The following PRKG2 variants were observed in gnomAD, a reference collection of about 807,000 sequenced individuals.
PRKG2 encodes cGMP-dependent protein kinase 2.
In PRKG2, 33 loss-of-function variants were observed where a neutral mutation model predicts 97.2. The ratio of observed to expected loss-of-function variants is 0.34; its 90% CI spans 0.26 to 0.45. PRKG2 has a LOEUF of 0.45. PRKG2 is among the 20% of genes least tolerant of loss of function. The pLI is 1.00. For synonymous variants in PRKG2, 330 were observed against 321.8 expected (o/e 1.03, Z -0.27); for missense variants, 638 against 900.0 (o/e 0.71, Z 3.73).
chr4:81,201,014 C>T (rs1220885913), intron 2 of PRKG2, among the ~76,000 whole-genome samples: 1 of 152,118 alleles, frequency 6.6e-6, no homozygotes, highest in Non-Finnish European at 1.5e-5. Flanking sequence ...ACCTCAATCT[C>T]ACAGGCATAG....
intron 2 of PRKG2, among the ~76,000 whole-genome samples, chr4:81,179,695 C>T (rs973806626): frequency 5.9e-5 from 9 of 152,012 alleles, no homozygotes; most frequent in African/African-American, 2.2e-4. Context: ...GCCAAAACTG[C>T]AGGGGAGGGA....
At chr4:81,126,359 T>C (rs967739779) in intron 14 of PRKG2, among the ~76,000 whole-genome samples, 8 of 152,180 alleles carry the variant, frequency 5.3e-5, no homozygotes, top group Admixed American at 3.9e-4. Context: ...GTCTTTATAG[T>C]AGAACGATTT....
intron 14 of PRKG2, among the ~76,000 whole-genome samples, chr4:81,134,783 T>A (rs1746509635): frequency 6.6e-6 from 1 of 152,150 alleles, no homozygotes; most frequent in South Asian, 2.1e-4. Flanking sequence ...ACAGTGGATA[T>A]CTTGGGGTAG....
intron 11 of PRKG2, among the ~76,000 whole-genome samples, chr4:81,142,102 C>G (rs953787372): frequency 1.3e-5 from 2 of 152,170 alleles, no homozygotes; most frequent in African/African-American, 4.8e-5. Flanking sequence ...GATCTCTATT[C>G]CACATTTTCC....
chr4:81,092,381 A>C lies in PRKG2; in HGVS notation c.2193+5T>G, dbSNP rs200249158. ...AATAAAAAAGTAATATAATAAATAC[A>C]ATACCTCTCTTTGCAAAGGTGATGG... On this transcript the variant is annotated splice_donor_5th_base_variant and intron_variant, in intron 18 of 18. Coordinates refer to ENST00000264399, the MANE Select transcript of PRKG2 (RefSeq NM_006259.3). 18 of 1,552,876 alleles carry C rather than the reference A, an allele frequency of 1.2e-5. No homozygotes were observed. In the East Asian group the frequency reaches 1.4e-4, roughly 12 times the overall value.
intron 4 of PRKG2, 84 bp from the exon 5 acceptor site, chr4:81,169,852 AT>A (rs1478425496): frequency 4.8e-6 from 4 of 834,042 alleles, no homozygotes; most frequent in Non-Finnish European, 7.2e-6. Context: ...GATTTGTTAT[AT>A]GTTCTTATAA....
At chr4:81,188,358 A>T (rs1307383053) in intron 2 of PRKG2, among the ~76,000 whole-genome samples, 1 of 149,278 alleles carries the variant, frequency 6.7e-6, no homozygotes, top group Non-Finnish European at 1.5e-5. Flanking sequence ...GCAATCATTA[A>T]AAAGTCAGGA....
intron 1 of PRKG2, among the ~76,000 whole-genome samples, chr4:81,213,375 A>G (rs1158908538): frequency 1.3e-5 from 2 of 152,178 alleles, no homozygotes; most frequent in African/African-American, 4.8e-5. Context: ...GAGAAGGAAC[A>G]CGTGTACCAA....
intron 3 of PRKG2, chr4:81,173,842 A>G (rs993708566): frequency 1.1e-4 from 16 of 152,068 alleles, no homozygotes; most frequent in African/African-American, 3.6e-4. Context: ...TACAATGCCA[A>G]TGAAGGAATG....
intron 2 of PRKG2, among the ~76,000 whole-genome samples, chr4:81,190,241 T>A (rs1167542935): frequency 1.3e-5 from 2 of 152,102 alleles, no homozygotes; most frequent in Non-Finnish European, 2.9e-5. Flanking sequence ...TGTAGACCAA[T>A]GGAACAGAAC....
intron 15 of PRKG2, among the ~76,000 whole-genome samples, chr4:81,109,817 T>A (rs1743721903): frequency 6.6e-6 from 1 of 152,094 alleles, no homozygotes; most frequent in Non-Finnish European, 1.5e-5. Flanking sequence ...GTGTAATGTG[T>A]GTATGTGCAT....
intron 2 of PRKG2, among the ~76,000 whole-genome samples, chr4:81,196,973 G>A (rs180863558): frequency 4.5e-4 from 69 of 152,220 alleles, no homozygotes; most frequent in South Asian, 2.1e-3. Flanking sequence ...AAATCGAAAC[G>A]TTTCATCCTT....
intron 14 of PRKG2, among the ~76,000 whole-genome samples, chr4:81,117,620 G>C (rs1416619364): frequency 6.6e-6 from 1 of 152,038 alleles, no homozygotes. Context: ...CGTCTATTAA[G>C]GTAGTTATAT....
chr4:81,098,506 C>T (rs116280385), intron 17 of PRKG2, among the ~76,000 whole-genome samples: 2,077 of 152,204 alleles, frequency 0.014, 51 homozygotes, highest in African/African-American at 0.047. Context: ...TTTTGATATG[C>T]CTTCTTCACT....
chr4:81,097,395 G>C (rs1301729438), intron 17 of PRKG2, among the ~76,000 whole-genome samples: 1 of 152,108 alleles, frequency 6.6e-6, no homozygotes, highest in South Asian at 2.1e-4. Context: ...GTGTCATTCA[G>C]GCTTTGTTCA....
chr4:81,199,261 G>T (rs1425053484), intron 2 of PRKG2, among the ~76,000 whole-genome samples: 1 of 152,086 alleles, frequency 6.6e-6, no homozygotes, highest in Non-Finnish European at 1.5e-5. Flanking sequence ...ACTGCTAATA[G>T]AGTAGCACTT....
At chr4:81,143,995 C>T (rs866099887) in intron 10 of PRKG2, among the ~76,000 whole-genome samples, 5 of 152,110 alleles carry the variant, frequency 3.3e-5, no homozygotes, top group African/African-American at 1.2e-4. Flanking sequence ...GAACACCTCT[C>T]CCTAACATTC....
chr4:81,171,825 A>G, intron 3 of PRKG2, 21 bp from the exon 4 acceptor site: 1 of 1,509,976 alleles, frequency 6.6e-7, no homozygotes, highest in Non-Finnish European at 9.1e-7. Context: ...GAATTTTAAA[A>G]AACACACACA....
At chr4:81,126,462 A>G (rs1745574115) in intron 14 of PRKG2, among the ~76,000 whole-genome samples, 1 of 152,202 alleles carries the variant, frequency 6.6e-6, no homozygotes, top group Admixed American at 6.5e-5. Flanking sequence ...ACTGTCTTCC[A>G]CAATGGTTGA....
Sources: gnomAD v4.1 joint callset for allele counts (sites outside exome capture counted in the v4.1 genomes callset) on GRCh38, gnomAD v4.1.1 for gene constraint, MANE v1.5 for transcripts, NCBI Gene and HGNC (gene_info 2026-07-23, HGNC 2026-07-21) for gene names.